The following CRACR2A variants were observed in gnomAD, a reference collection of about 807,000 sequenced individuals.
CRACR2A encodes EF-hand calcium-binding domain-containing protein 4B.
CRACR2A carries 79 observed loss-of-function variants against 90.5 expected under a neutral mutation model. The ratio of observed to expected loss-of-function variants is 0.87; its 90% CI spans 0.73 to 1.05. The LOEUF (loss-of-function observed/expected upper bound fraction) is 1.05. Ranked by LOEUF, CRACR2A falls within the 50% of genes least tolerant of loss-of-function variation. The pLI is 0.00. For synonymous variants in CRACR2A, 338 were observed against 356.7 expected (o/e 0.95, Z 0.59); for missense variants, 823 against 897.2 (o/e 0.92, Z 1.06).
chr12:3,687,969 T>C lies in CRACR2A; in HGVS notation c.229-7620A>G, dbSNP rs187994206. 7.9e-5 allele frequency among the ~76,000 whole-genome samples: 12 copies of C among 152,354 alleles called. No individual in the cohort carries two copies. The East Asian group carries it at 2.3e-3, about 29-fold the overall frequency. On this transcript the variant is annotated intron_variant, in intron 4 of 19. Coordinates refer to ENST00000440314, the MANE Select transcript of CRACR2A (RefSeq NM_001144958.2). ...GATGACCTTTTTTTCATATGCTTGTTGGACACATGTATGTCTTCTTTTGAA... is the reference window on the plus strand; with the variant it reads ...GATGACCTTTTTTTCATATGCTTGTCGGACACATGTATGTCTTCTTTTGAA...
At chr12:3,642,824 G>A (rs1464473785) in intron 12 of CRACR2A, among the ~76,000 whole-genome samples, 1 of 152,182 alleles carries the variant, frequency 6.6e-6, no homozygotes, top group Non-Finnish European at 1.5e-5. Flanking sequence ...GATGAGGCGG[G>A]GGAGTTAGAC....
intron 2 of CRACR2A, among the ~76,000 whole-genome samples, chr12:3,717,161 C>G (rs185723805): frequency 6.6e-6 from 1 of 152,084 alleles, no homozygotes; most frequent in Non-Finnish European, 1.5e-5. Context: ...AGCAAGGTCA[C>G]GAGAAATGCC....
At chr12:3,675,585 T>C (rs1304483901) in intron 6 of CRACR2A, among the ~76,000 whole-genome samples, 1 of 152,216 alleles carries the variant, frequency 6.6e-6, no homozygotes, top group East Asian at 1.9e-4. Flanking sequence ...CTATTATGAC[T>C]ACATAAATAA....
intron 3 of CRACR2A, among the ~76,000 whole-genome samples, chr12:3,708,523 C>T (rs966541311): frequency 1.3e-5 from 2 of 152,192 alleles, no homozygotes; most frequent in Non-Finnish European, 2.9e-5. Flanking sequence ...CTCCCGGGTT[C>T]GCGCCATTCT....
At chr12:3,716,832 C>A (rs11062771) in intron 2 of CRACR2A, among the ~76,000 whole-genome samples, 16,607 of 152,156 alleles carry the variant, frequency 0.11, 1,029 homozygotes, top group Middle Eastern at 0.19. Flanking sequence ...GATGTCTTTT[C>A]CTTCTTAGTG....
At chr12:3,636,613 C>T (rs2137346599) in intron 14 of CRACR2A, among the ~76,000 whole-genome samples, 1 of 152,374 alleles carries the variant, frequency 6.6e-6, no homozygotes, top group Non-Finnish European at 1.5e-5. Context: ...ACCCCAGCTC[C>T]TACTGACCTC....
chr12:3,638,064 A>T, intron 14 of CRACR2A, 60 bp downstream of exon 14: 1 of 1,459,706 alleles, frequency 6.9e-7, no homozygotes, highest in East Asian at 2.5e-5. Flanking sequence ...GCTTGGCCTC[A>T]AATGCAAGAG....
At chr12:3,744,003 C>T (rs1946570765) in intron 1 of CRACR2A, among the ~76,000 whole-genome samples, 2 of 152,196 alleles carry the variant, frequency 1.3e-5, no homozygotes. Flanking sequence ...CAACCACAGC[C>T]TAGGAACAAA....
chr12:3,621,366 C>A (rs554014869), intron 17 of CRACR2A, among the ~76,000 whole-genome samples: 3 of 149,444 alleles, frequency 2.0e-5, no homozygotes, highest in South Asian at 4.2e-4. Context: ...GTGCCTCTTG[C>A]GTCCTGGGAA....
chr12:3,749,465 T>C (rs1454719894), intron 1 of CRACR2A, among the ~76,000 whole-genome samples: 2 of 152,216 alleles, frequency 1.3e-5, no homozygotes, highest in Non-Finnish European at 2.9e-5. Context: ...GCCACTGAGC[T>C]GTCTGCTCCA....
At chr12:3,709,421 T>C (rs1945976962) in intron 3 of CRACR2A, among the ~76,000 whole-genome samples, 1 of 152,236 alleles carries the variant, frequency 6.6e-6, no homozygotes, top group African/African-American at 2.4e-5. Flanking sequence ...AAAAGTTAAG[T>C]AATTTATTGT....
chr12:3,672,456 G>A (rs1361198287), intron 7 of CRACR2A, among the ~76,000 whole-genome samples: 1 of 152,180 alleles, frequency 6.6e-6, no homozygotes, highest in East Asian at 1.9e-4. Flanking sequence ...AAATCTCTGG[G>A]TGTGTACAAG....
rs1565501242 is a variant in CRACR2A at position 3,720,460 on chromosome 12, A to AAAGAAAGAAAGG, written c.-117-7144_-117-7143insCCTTTCTTTCTT. 4.1e-5 allele frequency among the ~76,000 whole-genome samples: 6 copies of AAAGAAAGAAAGG among 147,734 alleles called. No homozygotes were observed. In the South Asian group the frequency reaches 1.3e-3, roughly 31 times the overall value. ...GAAAGAAAGAAAGAAAGAAAGAAAGAAAGAAAGCAAAAGAAAAAAAGAAAC... is the reference window on the plus strand; with the variant it reads ...GAAAGAAAGAAAGAAAGAAAGAAAGAAAGAAAGAAAGGAAGAAAGCAAAAGAAAAAAAGAAAC... On this transcript the variant is annotated intron_variant, in intron 2 of 19. Transcript: ENST00000440314.
chr12:3,745,780 A>AAAAATAAAAT lies in CRACR2A; in HGVS notation c.-387+7225_-387+7234dup, dbSNP rs941357128. Reference sequence around the variant, plus strand: ...GCAACAAGAACAAAACTTCGTCTCAAAAAATAAAATAAAATAAAATAAAAT... The same window carrying AAAAATAAAAT: ...GCAACAAGAACAAAACTTCGTCTCAAAAAATAAAATAAAATAAAATAAAATAAAATAAAAT... On this transcript the variant is annotated intron_variant, in intron 1 of 19. Coordinates refer to ENST00000440314, the MANE Select transcript of CRACR2A (RefSeq NM_001144958.2). 1.6e-4 allele frequency among the ~76,000 whole-genome samples: 17 copies of AAAAATAAAAT among 106,762 alleles called. No homozygotes were observed. In the South Asian group the frequency reaches 1.9e-3, roughly 12 times the overall value. 70.0% of individuals were successfully genotyped at this position (106,762 alleles called of 152,430 possible).
intron 4 of CRACR2A, among the ~76,000 whole-genome samples, chr12:3,689,884 G>T (rs1945624350): frequency 6.6e-6 from 1 of 151,838 alleles, no homozygotes; most frequent in African/African-American, 2.4e-5. Flanking sequence ...TTGGAAGGGT[G>T]TATATGTCCA....
intron 15 of CRACR2A, among the ~76,000 whole-genome samples, chr12:3,630,534 G>T (rs1345433065): frequency 6.6e-6 from 1 of 152,194 alleles, no homozygotes; most frequent in Non-Finnish European, 1.5e-5. Flanking sequence ...AAACACCTTG[G>T]ATTCTGGCCT....
chr12:3,649,294 G>T (rs539188364), intron 10 of CRACR2A, among the ~76,000 whole-genome samples: 2 of 152,084 alleles, frequency 1.3e-5, no homozygotes. Context: ...GCTCCAAACT[G>T]CCCTATCCTA....
intron 3 of CRACR2A, among the ~76,000 whole-genome samples, chr12:3,703,802 A>G (rs1945872409): frequency 6.6e-6 from 1 of 152,250 alleles, no homozygotes; most frequent in Non-Finnish European, 1.5e-5. Context: ...ATATAGGGAT[A>G]TCAAACAACT....
At chr12:3,645,494 A>G (rs1944667133) in intron 11 of CRACR2A, among the ~76,000 whole-genome samples, 1 of 152,172 alleles carries the variant, frequency 6.6e-6, no homozygotes, top group South Asian at 2.1e-4. Flanking sequence ...ATGAGATATG[A>G]AGCCAAGGGG....
Sources: allele counts gnomAD v4.1 joint callset (sites outside exome capture counted in the v4.1 genomes callset), GRCh38; gene constraint gnomAD v4.1.1; transcripts MANE v1.5; gene names NCBI Gene and HGNC (gene_info 2026-07-23, HGNC 2026-07-21).